The following TPD52L1 variants were observed in gnomAD, a reference collection of about 807,000 sequenced individuals.
TPD52L1 encodes TPD52 like 1, also known as tumor protein D53.
In TPD52L1, 18 loss-of-function variants were observed where a neutral mutation model predicts 28.7. The observed-to-expected ratio is 0.63, with a 90% CI of 0.43 to 0.93. The LOEUF (loss-of-function observed/expected upper bound fraction) is 0.93, where lower values mean the gene tolerates loss of function less well. TPD52L1 is among the 40% of genes least tolerant of loss of function. The probability of loss-of-function intolerance (pLI) is 0.00; values close to 1 mark genes in which losing one functional copy is unlikely to be tolerated. For synonymous variants in TPD52L1, 75 were observed against 88.8 expected (o/e 0.84, Z 0.88); for missense variants, 203 against 254.8 (o/e 0.80, Z 1.39).
At chr6:125,180,656 A>G (rs909578893) in intron 1 of TPD52L1, among the ~76,000 whole-genome samples, 1 of 152,136 alleles carries the variant, frequency 6.6e-6, no homozygotes, top group Admixed American at 6.6e-5. Context: ...CGTAAAGGAG[A>G]GTGTTAATTA....
intron 3 of TPD52L1, among the ~76,000 whole-genome samples, chr6:125,241,888 T>G (rs1415393334): frequency 6.6e-6 from 1 of 152,038 alleles, no homozygotes; most frequent in Non-Finnish European, 1.5e-5. Context: ...TGCTTCTGTT[T>G]CTCTAGTTCC....
chr6:125,255,641 T>C (rs1797551361), intron 5 of TPD52L1, among the ~76,000 whole-genome samples: 1 of 152,184 alleles, frequency 6.6e-6, no homozygotes, highest in African/African-American at 2.4e-5. Context: ...TTTAGTAGTA[T>C]AAAAGTGATA....
At chr6:125,161,953 TA>T (rs968298795) in intron 1 of TPD52L1, among the ~76,000 whole-genome samples, 19 of 152,244 alleles carry the variant, frequency 1.2e-4, no homozygotes, top group East Asian at 5.8e-4. Context: ...TGAGGTACAA[TA>T]AAGTGAAGTG....
chr6:125,156,974 T>C (rs549610795), intron 1 of TPD52L1, among the ~76,000 whole-genome samples: 1 of 152,218 alleles, frequency 6.6e-6, no homozygotes, highest in Non-Finnish European at 1.5e-5. Flanking sequence ...AGCAGAGATA[T>C]TGAGTTATTT....
chr6:125,201,426 A>T (rs12202193), intron 1 of TPD52L1, among the ~76,000 whole-genome samples: 2 of 152,106 alleles, frequency 1.3e-5, no homozygotes, highest in Admixed American at 1.3e-4. Context: ...TGCCCTACTG[A>T]TGGACGTTTA....
intron 1 of TPD52L1, among the ~76,000 whole-genome samples, chr6:125,196,116 A>T (rs1336039748): frequency 1.3e-5 from 2 of 152,192 alleles, no homozygotes; most frequent in Non-Finnish European, 2.9e-5. Context: ...AACCTCAAAG[A>T]TTCTAATTCA....
rs114007592 is a variant in TPD52L1, at chr6:125,212,973, A to G, written c.20-7105A>G. On this transcript the variant is annotated intron_variant, in intron 1 of 6. Coordinates refer to ENST00000534000, the MANE Select transcript of TPD52L1 (RefSeq NM_003287.4). ...CAATTACTAGATTATAATCAGATCT[A>G]TGATTATTTGTTACCTTTATTAAAA... Among the ~76,000 whole-genome samples, 1,486 of 152,364 alleles carry G rather than the reference A, an allele frequency of 9.8e-3. 30 individuals carry two copies. Among genetic ancestry groups the G allele is most frequent in the African/African-American group, 0.034 (1,405 of 41,584 alleles).
intron 2 of TPD52L1, among the ~76,000 whole-genome samples, chr6:125,224,357 A>C (rs575464126): frequency 6.6e-6 from 1 of 152,228 alleles, no homozygotes; most frequent in South Asian, 2.1e-4. Context: ...ATGCTCTCTC[A>C]ATCTCTCCTT....
intron 1 of TPD52L1, among the ~76,000 whole-genome samples, chr6:125,205,753 C>T (rs148574528): frequency 6.6e-6 from 1 of 152,198 alleles, no homozygotes; most frequent in East Asian, 1.9e-4. Context: ...ACATGGTTAA[C>T]CTGAGATTAT....
intron 5 of TPD52L1, among the ~76,000 whole-genome samples, chr6:125,254,819 C>A (rs1257865727): frequency 6.6e-6 from 1 of 152,170 alleles, no homozygotes; most frequent in East Asian, 1.9e-4. Context: ...CTGATTAAAT[C>A]TGATTAAAGA....
chr6:125,212,521 G>C (rs1052041694), intron 1 of TPD52L1, among the ~76,000 whole-genome samples: 5 of 152,248 alleles, frequency 3.3e-5, no homozygotes, highest in African/African-American at 1.2e-4. Context: ...GCATGCGCTG[G>C]AAGTGTGTGG....
At position 125,153,917 on chromosome 6, in the gene TPD52L1, G is replaced by T; in HGVS notation, c.-35G>T. The T allele has an allele frequency of 6.3e-7, 1 of 1,595,512 alleles. No individual in the cohort carries two copies. The highest frequency in any genetic ancestry group is 8.5e-7 in the Non-Finnish European group (1 of 1,175,462). Reference sequence around the variant, plus strand: ...GCCATCTGCTCTGGGAAGCACCAGGGTGTCCCCGCCGCCCTCAGCTCGAAG... The same window carrying T: ...GCCATCTGCTCTGGGAAGCACCAGGTTGTCCCCGCCGCCCTCAGCTCGAAG... On this transcript the variant is annotated 5_prime_UTR_variant, in exon 1 of 7. Coordinates refer to ENST00000534000, the MANE Select transcript of TPD52L1 (RefSeq NM_003287.4).
chr6:125,169,552 G>A (rs927098478), intron 1 of TPD52L1, among the ~76,000 whole-genome samples: 1 of 152,112 alleles, frequency 6.6e-6, no homozygotes, highest in African/African-American at 2.4e-5. Context: ...TATCATCCAC[G>A]GTTTAGCTTT....
At chr6:125,176,309 T>C (rs1791821013) in intron 1 of TPD52L1, among the ~76,000 whole-genome samples, 1 of 152,238 alleles carries the variant, frequency 6.6e-6, no homozygotes. Context: ...ATGTTGCAAG[T>C]AGTCACTGAA....
At chr6:125,187,066 G>A (rs1792685646) in intron 1 of TPD52L1, among the ~76,000 whole-genome samples, 1 of 152,050 alleles carries the variant, frequency 6.6e-6, no homozygotes, top group Non-Finnish European at 1.5e-5. Flanking sequence ...GCATATACCA[G>A]TTAATAGATT....
chr6:125,214,469 T>C, intron 1 of TPD52L1: 1 of 983,982 alleles, frequency 1.0e-6, no homozygotes. Flanking sequence ...CCTCGGTAAG[T>C]CCTAGATATC....
At chr6:125,179,213 G>A (rs145407440) in intron 1 of TPD52L1, among the ~76,000 whole-genome samples, 144 of 152,310 alleles carry the variant, frequency 9.5e-4, no homozygotes, top group African/African-American at 3.4e-3. Context: ...TCTCCAAGAG[G>A]ATGGAGAACT....
At chr6:125,234,451 A>G (rs547246046) in intron 3 of TPD52L1, 1 of 152,220 alleles carries the variant, frequency 6.6e-6, no homozygotes, top group Non-Finnish European at 1.5e-5. Flanking sequence ...GACTTGAAGC[A>G]TATACTTTCA....
intron 1 of TPD52L1, among the ~76,000 whole-genome samples, chr6:125,215,682 G>A (rs1455176381): frequency 6.6e-6 from 1 of 152,100 alleles, no homozygotes; most frequent in East Asian, 1.9e-4. Flanking sequence ...AGGTTTATGC[G>A]CTCCCCCTCT....
Sources: gnomAD v4.1 joint callset for allele counts (sites outside exome capture counted in the v4.1 genomes callset) on GRCh38, gnomAD v4.1.1 for gene constraint, MANE v1.5 for transcripts, NCBI Gene and HGNC (gene_info 2026-07-23, HGNC 2026-07-21) for gene names.